Variants in UFL1 observed in about 807,000 individuals in gnomAD.
UFL1 encodes the protein UFM1 specific ligase 1.
Under a neutral mutation model 99.3 loss-of-function variants are expected in UFL1, and 78 were observed. The observed-to-expected ratio is 0.79, with a 90% confidence interval of 0.65 to 0.95. The LOEUF (loss-of-function observed/expected upper bound fraction) is 0.95, where lower values mean the gene tolerates loss of function less well. Ranked by LOEUF, UFL1 falls within the 40% of genes least tolerant of loss-of-function variation. The probability of loss-of-function intolerance (pLI) is 0.00; values close to 1 mark genes in which losing one functional copy is unlikely to be tolerated. For synonymous variants in UFL1, 335 were observed against 322.2 expected, an observed-to-expected ratio of 1.04 and a Z score of -0.42; for missense variants, 936 against 937.0, an observed-to-expected ratio of 1.00 and a Z score of 0.01.
intron 11 of UFL1, 143 bp downstream of exon 11, chr6:96,540,798 CTAA>C: frequency 1.0e-6 from 1 of 990,608 alleles, no homozygotes; most frequent in South Asian, 2.0e-5. Flanking sequence ...AAATATTTTG[CTAA>C]TGTGTTAAGT....
chr6:96,537,332 T>A, intron 8 of UFL1, 42 bp from the exon 9 acceptor site: 1 of 1,487,930 alleles, frequency 6.7e-7, no homozygotes, highest in Non-Finnish European at 8.9e-7. Flanking sequence ...TTGTCTTACA[T>A]GTAATTGACA....
chr6:96,526,547 T>C, intron 5 of UFL1, 112 bp downstream of exon 5: 3 of 835,134 alleles, frequency 3.6e-6, no homozygotes, highest in Admixed American at 2.5e-5. Flanking sequence ...ATTTGATTTA[T>C]TGCAGGTGTC....
chr6:96,552,401 T>G, intron 17 of UFL1, 81 bp from the exon 18 acceptor site: 6 of 1,416,096 alleles, frequency 4.2e-6, no homozygotes, highest in Non-Finnish European at 4.6e-6. Context: ...AAGCTAAAAA[T>G]TAACAGAAAG....
chr6:96,549,811 A>G lies in UFL1; in HGVS notation c.1818+12A>G, dbSNP rs1770052546. ...CCATTACAAGTGAAGTATGTTAATG[A>G]TCTCCCTACCACTATTGATGTGTTC... On this transcript the variant is annotated intron_variant, in intron 15 of 18. Transcript: ENST00000369278. 6.2e-7 allele frequency: 1 copy of G among 1,610,438 alleles called. No individual in the cohort carries two copies. The highest frequency in any genetic ancestry group is 1.7e-5 in the Admixed American group (1 of 59,720).
intron 5 of UFL1, among the ~76,000 whole-genome samples, chr6:96,526,755 G>C (rs949453600): frequency 2.0e-5 from 3 of 152,146 alleles, no homozygotes; most frequent in Non-Finnish European, 2.9e-5. Flanking sequence ...TAATGCTTTT[G>C]ATACCAGCTA....
At chr6:96,533,323 C>G (rs899410337) in intron 6 of UFL1, among the ~76,000 whole-genome samples, 1 of 151,978 alleles carries the variant, frequency 6.6e-6, no homozygotes, top group African/African-American at 2.4e-5. Context: ...GGAGCATTAT[C>G]CACAGTAGCC....
Position 96,528,648 on chromosome 6 carries a change from A to G in UFL1, c.596+16A>G. 2.5e-6 allele frequency: 4 copies of G among 1,593,856 alleles called. No individual in the cohort carries two copies. Among genetic ancestry groups the G allele is most frequent in the Non-Finnish European group, 3.4e-6 (4 of 1,170,596 alleles). ...CTATTACCCGGTAAGTATATTTTAA[A>G]GTATATATATTTGCACATTTCTTTG... On this transcript the variant is annotated intron_variant, in intron 6 of 18. Transcript: ENST00000369278.
chr6:96,526,230 CTTCAT>C, intron 4 of UFL1, 86 bp from the exon 5 acceptor site: 1 of 1,065,206 alleles, frequency 9.4e-7, no homozygotes, highest in Non-Finnish European at 1.4e-6. Context: ...TTGGGGCATA[CTTCAT>C]TTCAACGGAA....
rs765611371 is a variant in UFL1 at position 96,551,499 on chromosome 6, T to A, written c.1885T>A (p.Ser629Thr). 1.1e-5 allele frequency: 17 copies of A among 1,527,832 alleles called. No homozygotes were observed. The highest frequency in any genetic ancestry group is 1.5e-5 in the Non-Finnish European group (17 of 1,134,448). The allele number at this position is 1,527,832 out of a possible 1,614,324, so 94.6% of individuals were successfully genotyped here. The change falls in exon 16 of 19, where the codon TCT (serine) becomes ACT (threonine). Residue 629 changes from serine (S) to threonine (T), a missense_variant. Physicochemically the swap from Ser to Thr is moderately conservative, Grantham distance 58. Transcript: ENST00000369278. Reference protein sequence around the residue: ...TKVALTKLHNSLNEKSIEDFI... With the variant: ...TKVALTKLHNTLNEKSIEDFI... ...AGTAGCTCTTACAAAACTCCATAAC[T>A]CTCTGAATGAAAAGGTAAGTAAAGT...
At chr6:96,529,505 A>G (rs771564332) in intron 6 of UFL1, among the ~76,000 whole-genome samples, 67 of 152,156 alleles carry the variant, frequency 4.4e-4, no homozygotes, top group Non-Finnish European at 8.4e-4. Context: ...TCTAATGGAT[A>G]CTTTCCGTTT....
In UFL1 at chr6:96,543,025, C is replaced by T; in HGVS notation, c.1402+9C>T. On this transcript the variant is annotated intron_variant, in intron 12 of 18. Coordinates refer to ENST00000369278, the MANE Select transcript of UFL1 (RefSeq NM_015323.5). ...TCAATCATCCCACACTGGTAGGTAG[C>T]TTTTCTTTACTTTTCCTTGGTGTAT... is the stretch of plus-strand genomic sequence containing the variant. 6.3e-7 allele frequency: 1 copy of T among 1,581,738 alleles called. No individual in the cohort carries two copies. The highest frequency in any genetic ancestry group is 1.7e-4 in the Middle Eastern group (1 of 5,952).
rs1275637543 is a variant in UFL1 at position 96,521,832 on chromosome 6, C to A, written c.-42C>A. 6 of 1,589,730 alleles carry A rather than the reference C, an allele frequency of 3.8e-6. No homozygotes were observed. The highest frequency in any genetic ancestry group is 2.7e-5 in the African/African-American group (2 of 74,444). On this transcript the variant is annotated 5_prime_UTR_variant, in exon 1 of 19. Coordinates refer to ENST00000369278, the MANE Select transcript of UFL1 (RefSeq NM_015323.5). ...TCTTCTCCCACCGCCTGTCGGCTGACGTGTCTGCAGTTCCTCCGCGTCTAC... is the reference window on the plus strand; with the variant it reads ...TCTTCTCCCACCGCCTGTCGGCTGAAGTGTCTGCAGTTCCTCCGCGTCTAC...
intron 9 of UFL1, 129 bp downstream of exon 9, chr6:96,537,678 T>A (rs1373625763): frequency 3.0e-5 from 25 of 845,180 alleles, no homozygotes; most frequent in Non-Finnish European, 4.0e-5. Context: ...ATCATTGTTA[T>A]AACAAAAATA....
chr6:96,551,098 C>T (rs1330318874), intron 15 of UFL1, among the ~76,000 whole-genome samples: 1 of 151,846 alleles, frequency 6.6e-6, no homozygotes, highest in East Asian at 1.9e-4. Context: ...TGGGGCCCTT[C>T]ACAGCTGGCA....
In UFL1 at chr6:96,553,335, A is replaced by G; in HGVS notation, c.2217A>G (p.Leu739=). Residue 739 remains leucine (L), a synonymous_variant, in exon 19 of 19, where the codon CTA becomes CTG. Coordinates refer to ENST00000369278, the MANE Select transcript of UFL1 (RefSeq NM_015323.5). ...VKYQGLVVKQ[L]VSQSKKTGQG... ...ATCAAGGTTTGGTTGTAAAGCAGCT[A>G]GTCAGTCAAAGTAAGAAGACTGGGC... 1 of 1,613,784 alleles carries G rather than the reference A, an allele frequency of 6.2e-7. No individual in the cohort carries two copies. The highest frequency in any genetic ancestry group is 8.5e-7 in the Non-Finnish European group (1 of 1,179,796).
chr6:96,539,929 CATAA>C (rs371356898), intron 10 of UFL1, among the ~76,000 whole-genome samples: 1 of 151,450 alleles, frequency 6.6e-6, no homozygotes, highest in Non-Finnish European at 1.5e-5. Context: ...TTACTTTTAT[CATAA>C]ATATATACTT....
chr6:96,540,520 C>G lies in UFL1; in HGVS notation c.1159-15C>G. On this transcript the variant is annotated splice_polypyrimidine_tract_variant and intron_variant, in intron 10 of 18. Transcript: ENST00000369278. ...TATGTGTTTTTCCTACCAAAAAAAG[C>G]ATGTTTTATTTTAGGAAATGAAAAA... 6.3e-7 allele frequency: 1 copy of G among 1,586,832 alleles called. No individual in the cohort carries two copies. The highest frequency in any genetic ancestry group is 8.5e-7 in the Non-Finnish European group (1 of 1,170,648).
chr6:96,547,028 A>G (rs776282796), intron 12 of UFL1, among the ~76,000 whole-genome samples: 2 of 151,664 alleles, frequency 1.3e-5, no homozygotes, highest in Non-Finnish European at 3.0e-5. Context: ...TGCACAGCAA[A>G]ATAAATAATT....
Position 96,542,894 on chromosome 6 carries a change from A to T in UFL1, c.1280A>T (p.Glu427Val). The change falls in exon 12 of 19, where the codon GAG becomes GTG. Residue 427 changes from glutamate (E) to valine (V), a missense_variant and splice_region_variant. By Grantham distance (121) the Glu-to-Val change is moderately radical. Transcript: ENST00000369278. ...KKDERRRKAT[E>V]GSGSMRGGGG... ...CTAACTAATGTCATTTTCCCACCAG[A>T]GGGCAGTGGAAGCATGAGAGGAGGA... 6.4e-7 allele frequency: 1 copy of T among 1,569,018 alleles called. No individual in the cohort carries two copies. Among genetic ancestry groups the T allele is most frequent in the Non-Finnish European group, 8.6e-7 (1 of 1,162,418 alleles).
Sources: gnomAD v4.1 joint callset for allele counts (sites outside exome capture counted in the v4.1 genomes callset) on GRCh38, gnomAD v4.1.1 for gene constraint, MANE v1.5 for transcripts, NCBI Gene and HGNC (gene_info 2026-07-23, HGNC 2026-07-21) for gene names.